CTPS1: variants seen among roughly 807,000 people sequenced by gnomAD.
The protein encoded by CTPS1 is CTP synthetase 1.
Under a neutral mutation model 80.5 loss-of-function variants are expected in CTPS1, and 25 were observed. The ratio of observed to expected loss-of-function variants is 0.31; its 90% confidence interval spans 0.23 to 0.43. The LOEUF (loss-of-function observed/expected upper bound fraction) is 0.43, where lower values mean the gene tolerates loss of function less well. Ranked by LOEUF, CTPS1 falls within the 20% of genes least tolerant of loss-of-function variation. CTPS1 has a pLI of 1.00. For synonymous variants in CTPS1, 267 were observed against 252.5 expected (o/e 1.06, Z -0.54); for missense variants, 442 against 725.7 (o/e 0.61, Z 4.49).
rs1643196572 is a variant in CTPS1 at position 41,012,394 on chromosome 1, G to C, written c.*746G>C. Reference sequence around the variant, plus strand: ...AACCCTCTCATATATAGACAGCTTTGACTGGAGGGTCCATTTTTCTTCCAG... The same window carrying C: ...AACCCTCTCATATATAGACAGCTTTCACTGGAGGGTCCATTTTTCTTCCAG... On this transcript the variant is annotated 3_prime_UTR_variant, in exon 19 of 19. Transcript: ENST00000650070. 1 of 152,186 alleles carries C rather than the reference G, an allele frequency of 6.6e-6. No individual in the cohort carries two copies. The highest frequency in any genetic ancestry group is 2.1e-4 in the South Asian group (1 of 4,828). 9.4% of individuals were successfully genotyped at this position (152,186 alleles called of 1,614,324 possible).
intron 9 of CTPS1, among the ~76,000 whole-genome samples, chr1:40,999,036 G>C (rs1403947868): frequency 6.6e-6 from 1 of 152,156 alleles, no homozygotes; most frequent in Non-Finnish European, 1.5e-5. Context: ...AAAAGGCAAC[G>C]GTCTCCGCCT....
At chr1:41,000,323 A>G (rs1306392361) in intron 9 of CTPS1, among the ~76,000 whole-genome samples, 1 of 151,492 alleles carries the variant, frequency 6.6e-6, no homozygotes, top group Non-Finnish European at 1.5e-5. Flanking sequence ...GTTCACTGCA[A>G]CCTCTGCCTT....
chr1:40,992,978 G>C (rs1374179468), intron 7 of CTPS1, among the ~76,000 whole-genome samples: 2 of 151,894 alleles, frequency 1.3e-5, no homozygotes. Context: ...ACAGGTGTGA[G>C]GGCGCCCGGC....
intron 9 of CTPS1, among the ~76,000 whole-genome samples, chr1:40,998,419 A>C (rs1474453667): frequency 1.3e-5 from 2 of 151,296 alleles, no homozygotes; most frequent in African/African-American, 4.9e-5. Flanking sequence ...AAAAAAAAAA[A>C]AAACATGGAT....
chr1:40,987,781 G>T (rs4453027), intron 4 of CTPS1, among the ~76,000 whole-genome samples: 62,138 of 151,998 alleles, frequency 0.41, 13,119 homozygotes, highest in Middle Eastern at 0.53. Flanking sequence ...GCTTTCGTCT[G>T]GCAAGAGCAT....
chr1:40,984,945 C>T lies in CTPS1; in HGVS notation c.291C>T (p.Val97=), dbSNP rs1188667258. The T allele has an allele frequency of 1.9e-6, 3 of 1,597,780 alleles. No homozygotes were observed. The highest frequency in any genetic ancestry group is 2.7e-5 in the African/African-American group (2 of 74,658). The change falls in exon 3 of 19, where the codon GTC becomes GTT. Residue 97 remains valine (V), a synonymous_variant. Transcript: ENST00000650070. ...NLTTGKIYQY[V]INKERKGDYL... ...CCACTGGAAAGATATACCAGTATGT[C>T]ATTAACAAGGAACGGAAAGGAGATT...
intron 12 of CTPS1, chr1:41,003,902 G>T (rs866624257): frequency 6.6e-6 from 1 of 152,264 alleles, no homozygotes; most frequent in African/African-American, 2.4e-5. Context: ...CTGTGAGCTC[G>T]GCCCAGCCGG....
intron 12 of CTPS1, chr1:41,003,849 G>A (rs1049796555): frequency 1.3e-5 from 2 of 152,376 alleles, no homozygotes; most frequent in African/African-American, 4.8e-5. Context: ...TCAGCTGCAC[G>A]TGGTGTACTA....
At chr1:40,993,129 G>C (rs1261653929) in intron 7 of CTPS1, among the ~76,000 whole-genome samples, 4 of 151,826 alleles carry the variant, frequency 2.6e-5, no homozygotes, top group Admixed American at 1.3e-4. Context: ...CAGCTCAGTG[G>C]AACCTCCACC....
At chr1:40,988,295 A>C (rs1322167482) in intron 4 of CTPS1, among the ~76,000 whole-genome samples, 1 of 111,908 alleles carries the variant, frequency 8.9e-6, no homozygotes. Context: ...TTTTTTTTTT[A>C]CTTTGTCACT....
chr1:40,989,097 C>T (rs1340576044), intron 5 of CTPS1, among the ~76,000 whole-genome samples: 2 of 152,192 alleles, frequency 1.3e-5, no homozygotes. Flanking sequence ...GGATCTTAAG[C>T]CCGCAGCAGT....
At chr1:40,993,349 C>G (rs1252157778) in intron 7 of CTPS1, among the ~76,000 whole-genome samples, 3 of 152,002 alleles carry the variant, frequency 2.0e-5, no homozygotes, top group Non-Finnish European at 4.4e-5. Context: ...CCACGCCTGG[C>G]CTTGCCTTTT....
chr1:40,997,701 G>A (rs1414689599), intron 9 of CTPS1, among the ~76,000 whole-genome samples, 175 bp downstream of exon 9: 1 of 152,248 alleles, frequency 6.6e-6, no homozygotes, highest in Non-Finnish European at 1.5e-5. Flanking sequence ...AGACAGTAGA[G>A]CATTTTCAGG....
chr1:41,002,300 T>A lies in CTPS1; in HGVS notation c.1189+46T>A, dbSNP rs375155110. ...GTCTTCACTTAAGAGTAGGAAAGAG[T>A]GGGGAACGGTGCCACGTGGGAGCCT... On this transcript the variant is annotated intron_variant, in intron 11 of 18. Transcript: ENST00000650070. The A allele has an allele frequency of 4.0e-5, 60 of 1,499,984 alleles. No individual in the cohort carries two copies. The African/African-American group carries it at 6.6e-4, about 17-fold the overall frequency. 92.9% of individuals were successfully genotyped at this position (1,499,984 alleles called of 1,614,324 possible). A position where few individuals can be genotyped will look rare whatever the true frequency, so the allele number is the denominator to read the frequency against.
intron 4 of CTPS1, among the ~76,000 whole-genome samples, chr1:40,988,024 T>C (rs1423382989): frequency 6.6e-6 from 1 of 152,160 alleles, no homozygotes; most frequent in East Asian, 1.9e-4. Flanking sequence ...GCAGTTCTCC[T>C]ACCTTAGCCT....
intron 6 of CTPS1, 139 bp from the exon 7 acceptor site, chr1:40,991,625 AT>A (rs1642613203): frequency 5.0e-6 from 3 of 605,068 alleles, no homozygotes; most frequent in Non-Finnish European, 8.8e-6. Context: ...TAATATTTTT[AT>A]GGATTATGTG....
At chr1:40,997,176 A>T (rs546173230) in intron 8 of CTPS1, 66 of 501,516 alleles carry the variant, frequency 1.3e-4, no homozygotes, top group Middle Eastern at 1.0e-3. Flanking sequence ...ACTGTTGCCC[A>T]GGCTGTAGTG....
chr1:40,996,824 TGA>T (rs1051420569), intron 8 of CTPS1, among the ~76,000 whole-genome samples: 1 of 152,226 alleles, frequency 6.6e-6, no homozygotes, highest in Admixed American at 6.5e-5. Flanking sequence ...AAACTTTTAA[TGA>T]GTGTGGACTT....
chr1:40,997,218 A>G (rs1570963047), intron 8 of CTPS1, 176 bp from the exon 9 acceptor site: 2 of 653,072 alleles, frequency 3.1e-6, no homozygotes, highest in Non-Finnish European at 5.0e-6. Context: ...GTAACCTCCA[A>G]CTCCTGGGCT....
Sources: allele counts gnomAD v4.1 joint callset (sites outside exome capture counted in the v4.1 genomes callset), GRCh38; gene constraint gnomAD v4.1.1; transcripts MANE v1.5; gene names NCBI Gene and HGNC (gene_info 2026-07-23, HGNC 2026-07-21).